Variants in ZNF761 observed in about 807,000 individuals in gnomAD.
ZNF761 encodes the protein zinc finger protein 761.
ZNF761 carries 43 observed loss-of-function variants against 59.9 expected under a neutral mutation model. The ratio of observed to expected loss-of-function variants is 0.72; its 90% confidence interval spans 0.56 to 0.92. The LOEUF is 0.92. ZNF761 is among the 40% of genes least tolerant of loss of function. ZNF761 has a pLI of 0.00. For synonymous variants in ZNF761, 294 were observed against 304.8 expected (o/e 0.96, Z 0.37); for missense variants, 850 against 906.1 (o/e 0.94, Z 0.79).
Position 53,455,019 on chromosome 19 carries a change from C to G in ZNF761, c.512C>G (p.Ala171Gly), listed in dbSNP as rs146901697. The G allele has an allele frequency of 8.1e-5, 131 of 1,614,164 alleles. No individual in the cohort carries two copies. In the African/African-American group the frequency reaches 1.4e-3, roughly 17 times the overall value. Residue 171 changes from alanine (A) to glycine (G), a missense_variant, in exon 5 of 5, where the codon GCT becomes GGT. Ala to Gly is a moderately conservative substitution (Grantham distance 60). Transcript: ENST00000684525. The part of the protein sequence containing the change: ...DNQVVKSVHD[A>G]SLVSTAQRIS... ...CAAGTTGTGAAGTCTGTCCACGATG[C>G]TTCCTTGGTTTCAACAGCCCAAAGA...
At chr19:53,438,335 A>G (rs771530285) in intron 1 of ZNF761, among the ~76,000 whole-genome samples, 1 of 152,226 alleles carries the variant, frequency 6.6e-6, no homozygotes, top group Non-Finnish European at 1.5e-5. Context: ...GGTGGCAGCT[A>G]ATGCCTTAAG....
intron 1 of ZNF761, among the ~76,000 whole-genome samples, chr19:53,445,641 G>A (rs1319415814): frequency 6.6e-6 from 1 of 151,986 alleles, no homozygotes; most frequent in Non-Finnish European, 1.5e-5. Context: ...GGAGTGCCCA[G>A]CTGTAATTAG....
At chr19:53,450,848 T>C (rs967439995) in intron 4 of ZNF761, among the ~76,000 whole-genome samples, 5 of 152,068 alleles carry the variant, frequency 3.3e-5, no homozygotes, top group Non-Finnish European at 7.4e-5. Context: ...ATACAAAAAT[T>C]AGCCGGACAC....
rs1389913773 is a variant in ZNF761, at chr19:53,455,203, A to G, written c.696A>G (p.Lys232=). The stretch of plus-strand genomic sequence containing the variant: ...TTAATTACAGCTCACTCTTAAGGAA[A>G]CATCAGATAATCCATTTAGCAGACA... ...KAFNYSSLLR[K]HQIIHLADKY... The change falls in exon 5 of 5, where the codon AAA becomes AAG. Residue 232 remains lysine (K), a synonymous_variant. Coordinates refer to ENST00000684525, the MANE Select transcript of ZNF761 (RefSeq NM_001289951.2). 1.9e-6 allele frequency: 3 copies of G among 1,614,096 alleles called. No individual in the cohort carries two copies. The African/African-American group carries it at 4.0e-5, about 22-fold the overall frequency.
At chr19:53,448,961 C>G (rs75603426) in intron 3 of ZNF761, among the ~76,000 whole-genome samples, 3 of 152,210 alleles carry the variant, frequency 2.0e-5, no homozygotes, top group African/African-American at 7.2e-5. Context: ...TCATCTTTCA[C>G]TGTGAATGTT....
At position 53,454,809 on chromosome 19, in the gene ZNF761, G is replaced by A; in HGVS notation, c.302G>A (p.Trp101Ter). The change falls in exon 5 of 5, where the codon TGG (tryptophan) becomes TAG (stop). Residue 101 changes from tryptophan (W) to a stop codon, truncating the protein, a stop_gained. Coordinates refer to ENST00000684525, the MANE Select transcript of ZNF761 (RefSeq NM_001289951.2). LOFTEE classifies it high-confidence loss of function. ...GATATTCATGACTATGAATTTCAATGGCAAGAAGATGAAAGAAATGGCCAT... is the reference window on the plus strand; with the variant it reads ...GATATTCATGACTATGAATTTCAATAGCAAGAAGATGAAAGAAATGGCCAT... ...DKDIHDYEFQ[W>*]QEDERNGHEA... The A allele has an allele frequency of 6.2e-7, 1 of 1,614,052 alleles. No homozygotes were observed.
intron 1 of ZNF761, among the ~76,000 whole-genome samples, chr19:53,434,235 T>C (rs2086010805): frequency 6.6e-6 from 1 of 152,234 alleles, no homozygotes. Flanking sequence ...GAGGCAAATC[T>C]GTGTCTTTCT....
chr19:53,437,012 G>A (rs12986283), intron 1 of ZNF761, among the ~76,000 whole-genome samples: 45,811 of 151,924 alleles, frequency 0.3, 7,940 homozygotes, highest in South Asian at 0.54. Context: ...AGAGAGCCAC[G>A]GCACATAGAA....
intron 1 of ZNF761, among the ~76,000 whole-genome samples, chr19:53,434,590 T>C (rs2086016528): frequency 6.6e-6 from 1 of 152,214 alleles, no homozygotes. Context: ...TGTTTTATTA[T>C]AATATTGCTG....
intron 1 of ZNF761, chr19:53,442,529 A>G: frequency 1.4e-6 from 1 of 708,498 alleles, no homozygotes; most frequent in Admixed American, 1.8e-5. Flanking sequence ...TGGAAGATAA[A>G]CTGAAATGCA....
At chr19:53,433,711 A>G (rs980750184) in intron 1 of ZNF761, among the ~76,000 whole-genome samples, 3 of 152,138 alleles carry the variant, frequency 2.0e-5, no homozygotes, top group African/African-American at 4.8e-5. Context: ...CCTGGTCGCA[A>G]TTGCTTCTAT....
intron 1 of ZNF761, among the ~76,000 whole-genome samples, chr19:53,433,026 G>C (rs368759047): frequency 0.53 from 77,562 of 145,434 alleles, 19,531 homozygotes; most frequent in East Asian, 0.66. Flanking sequence ...GGGATCTGGG[G>C]TGCTAGAGAG....
chr19:53,449,907 A>T, intron 4 of ZNF761: 3 of 688,654 alleles, frequency 4.4e-6, no homozygotes, highest in Non-Finnish European at 6.9e-6. Context: ...GTTGAAATTC[A>T]TCTTGATCTC....
chr19:53,438,066 A>G (rs10421048), intron 1 of ZNF761, among the ~76,000 whole-genome samples: 45,110 of 76,678 alleles, frequency 0.59, 15,507 homozygotes, highest in Non-Finnish European at 0.66. Context: ...TCTCATTGGG[A>G]AATACCTCGT....
intron 1 of ZNF761, among the ~76,000 whole-genome samples, chr19:53,433,192 A>G (rs2085994795): frequency 6.6e-6 from 1 of 152,176 alleles, no homozygotes; most frequent in African/African-American, 2.4e-5. Flanking sequence ...GTGGATTTAC[A>G]TCTAAAAAGC....
At chr19:53,442,442 T>C in intron 1 of ZNF761, 1 of 838,304 alleles carries the variant, frequency 1.2e-6, no homozygotes, top group Middle Eastern at 2.3e-4. Context: ...TTCTTACTGA[T>C]AATCTCAAGG....
intron 1 of ZNF761, among the ~76,000 whole-genome samples, chr19:53,432,236 T>C (rs2085978198): frequency 6.6e-6 from 1 of 152,292 alleles, no homozygotes; most frequent in South Asian, 2.1e-4. Context: ...GTGTTTCTGC[T>C]ACAGGGCAAT....
intron 1 of ZNF761, among the ~76,000 whole-genome samples, chr19:53,437,356 C>T (rs2086054409): frequency 6.6e-6 from 1 of 151,792 alleles, no homozygotes; most frequent in African/African-American, 2.4e-5. Context: ...CATAACGTTG[C>T]TAATGCTGTT....
intron 4 of ZNF761, chr19:53,450,486 T>A (rs1054507626): frequency 6.6e-6 from 1 of 152,210 alleles, no homozygotes; most frequent in African/African-American, 2.4e-5. Flanking sequence ...CTTGTGATTT[T>A]GTTACATATT....
Sources: gnomAD v4.1 joint callset for allele counts (sites outside exome capture counted in the v4.1 genomes callset) on GRCh38, gnomAD v4.1.1 for gene constraint, MANE v1.5 for transcripts, NCBI Gene and HGNC (gene_info 2026-07-23, HGNC 2026-07-21) for gene names.